The following DHX15 variants were observed in gnomAD, a reference collection of about 807,000 sequenced individuals.
DHX15 encodes DEAH-box helicase 15.
A neutral mutation model predicts 94.4 loss-of-function variants in DHX15; 11 were observed. The observed-to-expected ratio is 0.12, with a 90% CI of 0.07 to 0.19. DHX15 has a LOEUF of 0.19. Among genes scored for constraint, DHX15 ranks in the 10% least tolerant of loss-of-function variants. The probability of loss-of-function intolerance (pLI) is 1.00; values close to 1 mark genes in which losing one functional copy is unlikely to be tolerated. For missense variants in DHX15, 304 were observed against 988.5 expected (o/e 0.31, Z 9.29); for synonymous variants, 338 against 329.9 (o/e 1.02, Z -0.27).
At chr4:24,553,479 A>G (rs1193530396) in intron 5 of DHX15, among the ~76,000 whole-genome samples, 1 of 151,996 alleles carries the variant, frequency 6.6e-6, no homozygotes, top group Admixed American at 6.5e-5. Flanking sequence ...ATGCCATCAA[A>G]AAAGCATTTT....
intron 5 of DHX15, among the ~76,000 whole-genome samples, chr4:24,550,083 A>T (rs1197068293): frequency 5.4e-5 from 7 of 128,756 alleles, no homozygotes; most frequent in African/African-American, 2.1e-4. Context: ...AAAAAGAGGG[A>T]AACTCCGTCT....
chr4:24,572,810 G>C (rs1722153546), intron 2 of DHX15, among the ~76,000 whole-genome samples: 2 of 152,206 alleles, frequency 1.3e-5, no homozygotes, highest in Non-Finnish European at 2.9e-5. Context: ...GAACCAGTCA[G>C]TTAATGCATC....
In DHX15 at chr4:24,548,845, C is replaced by A. The variant is rs774238092; in HGVS notation, c.1248+10G>T. 5 of 1,607,156 alleles carry A rather than the reference C, an allele frequency of 3.1e-6. 1 individual carries two copies. In the African/African-American group the frequency reaches 6.7e-5, roughly 22 times the overall value. ...AGTGAAATATTTATAAAGAGCATTT[C>A]TAATGTTACCTTTCTTCCAATTGCT... is the stretch of plus-strand genomic sequence containing the variant. On this transcript the variant is annotated intron_variant, in intron 6 of 13. Transcript: ENST00000336812.
In DHX15 at chr4:24,543,456, T is replaced by C. The variant is rs142360198; in HGVS notation, c.1249-430A>G. Among the ~76,000 whole-genome samples, 140 of 152,284 alleles carry C rather than the reference T, an allele frequency of 9.2e-4. 4 individuals are homozygous for C. In the East Asian group the frequency reaches 0.021, roughly 22 times the overall value. ...TTACAAATGAAAACTTCGTTATTTATATCACCAAAATTCAACTCAACATTT... is the reference window on the plus strand; with the variant it reads ...TTACAAATGAAAACTTCGTTATTTACATCACCAAAATTCAACTCAACATTT... On this transcript the variant is annotated intron_variant, in intron 6 of 13. Coordinates refer to ENST00000336812, the MANE Select transcript of DHX15 (RefSeq NM_001358.3).
chr4:24,576,717 T>C (rs1414430197), intron 1 of DHX15, 39 bp from the exon 2 acceptor site: 16 of 1,600,930 alleles, frequency 1.0e-5, no homozygotes, highest in South Asian at 2.2e-5. Flanking sequence ...CTGAATTTTA[T>C]GCAGAATGTT....
At chr4:24,548,243 A>C (rs1331119657) in intron 6 of DHX15, among the ~76,000 whole-genome samples, 1 of 151,018 alleles carries the variant, frequency 6.6e-6, no homozygotes, top group East Asian at 2.0e-4. Flanking sequence ...CTAGGGTTCA[A>C]GCGATTCTCC....
chr4:24,550,692 G>GCT (rs1445847190), intron 5 of DHX15, among the ~76,000 whole-genome samples: 4 of 152,058 alleles, frequency 2.6e-5, no homozygotes, highest in African/African-American at 9.7e-5. Context: ...CCTTCTCCTA[G>GCT]AACACCTCCT....
At chr4:24,560,586 T>C (rs1025118155) in intron 3 of DHX15, among the ~76,000 whole-genome samples, 2 of 152,160 alleles carry the variant, frequency 1.3e-5, no homozygotes, top group Non-Finnish European at 2.9e-5. Context: ...GCTAATTCTG[T>C]TATAAGCTCC....
chr4:24,581,798 C>CT (rs1412767016), intron 1 of DHX15, among the ~76,000 whole-genome samples: 1 of 152,112 alleles, frequency 6.6e-6, no homozygotes, highest in African/African-American at 2.4e-5. Context: ...AAAATTATTA[C>CT]TTTCGGTAAT....
intron 5 of DHX15, among the ~76,000 whole-genome samples, chr4:24,551,097 C>T (rs186512771): frequency 2.0e-4 from 31 of 151,694 alleles, no homozygotes; most frequent in African/African-American, 7.3e-4. Flanking sequence ...AATATCAAGA[C>T]GGAAAAAAAG....
intron 7 of DHX15, 57 bp downstream of exon 7, chr4:24,542,883 T>C (rs1432632014): frequency 4.1e-5 from 51 of 1,232,880 alleles, no homozygotes; most frequent in Non-Finnish European, 5.1e-5. Context: ...TTAAATGAAT[T>C]GGTTGTAAGT....
At chr4:24,540,972 T>A in intron 8 of DHX15, 24 bp from the exon 9 acceptor site, 1 of 1,440,328 alleles carries the variant, frequency 6.9e-7, no homozygotes, top group African/African-American at 1.4e-5. Flanking sequence ...AAAACATTTA[T>A]TGGTTATGTT....
intron 5 of DHX15, among the ~76,000 whole-genome samples, chr4:24,552,737 A>G (rs571711984): frequency 4.7e-4 from 72 of 152,370 alleles, no homozygotes; most frequent in African/African-American, 1.7e-3. Flanking sequence ...AACTCTTCAA[A>G]TTCAAGACTG....
At chr4:24,547,827 A>G (rs1721457553) in intron 6 of DHX15, among the ~76,000 whole-genome samples, 1 of 148,856 alleles carries the variant, frequency 6.7e-6, no homozygotes, top group Non-Finnish European at 1.5e-5. Context: ...TGGAGGATGC[A>G]TTAACTTATT....
Position 24,540,943 on chromosome 4 carries a change from G to A in DHX15, c.1491C>T (p.Asn497=). Residue 497 remains asparagine, a synonymous_variant, in exon 9 of 14, where the codon AAC becomes AAT. Coordinates refer to ENST00000336812, the MANE Select transcript of DHX15 (RefSeq NM_001358.3). ...EKAYKTEMQD[N]TYPEILRSNL... ...TAGAACGCAAAATCTCAGGATAGGTGTTATCCTAGCAAAGAACAAAAACAT... is the reference window on the plus strand; with the variant it reads ...TAGAACGCAAAATCTCAGGATAGGTATTATCCTAGCAAAGAACAAAAACAT... 1 of 1,583,022 alleles carries A rather than the reference G, an allele frequency of 6.3e-7. No individual in the cohort carries two copies.
Position 24,540,271 on chromosome 4 carries a change from T to C in DHX15, c.1623A>G (p.Glu541=), listed in dbSNP as rs1415619098. 2 of 1,612,944 alleles carry C rather than the reference T, an allele frequency of 1.2e-6. No homozygotes were observed. ...TTAAAGCAGCCAGGTAATTCAAAAGTTCCAGGGCTCTCATCAGAGTTTCAG... is the reference window on the plus strand; with the variant it reads ...TTAAAGCAGCCAGGTAATTCAAAAGCTCCAGGGCTCTCATCAGAGTTTCAG... ...PAPETLMRAL[E]LLNYLAALND... The change falls in exon 10 of 14, where the codon GAA becomes GAG. Residue 541 remains glutamate (E), a synonymous_variant. Transcript: ENST00000336812.
chr4:24,564,660 AAGAC>A (rs1721956167), intron 3 of DHX15, among the ~76,000 whole-genome samples: 1 of 152,366 alleles, frequency 6.6e-6, no homozygotes, highest in African/African-American at 2.4e-5. Flanking sequence ...GGAATAAACA[AAGAC>A]AGGCTCTAGT....
intron 1 of DHX15, among the ~76,000 whole-genome samples, chr4:24,577,434 TCTTG>T (rs1168976459): frequency 2.6e-5 from 4 of 152,200 alleles, no homozygotes; most frequent in South Asian, 2.1e-4. Flanking sequence ...TTTTATTCCT[TCTTG>T]CTTGTTTACT....
At chr4:24,547,897 GTATGTGTATA>G (rs1270548702) in intron 6 of DHX15, among the ~76,000 whole-genome samples, 2,406 of 55,490 alleles carry the variant, frequency 0.043, 69 homozygotes, top group East Asian at 0.19. Context: ...CTCTATGTAT[GTATGTGTATA>G]TATATATATA....
Sources: allele counts gnomAD v4.1 joint callset (sites outside exome capture counted in the v4.1 genomes callset), GRCh38; gene constraint gnomAD v4.1.1; transcripts MANE v1.5; gene names NCBI Gene and HGNC (gene_info 2026-07-23, HGNC 2026-07-21).